The following DROSHA variants were observed in gnomAD, a reference collection of about 807,000 sequenced individuals.
DROSHA encodes ribonuclease 3.
In DROSHA, 56 loss-of-function variants were observed where a neutral mutation model predicts 181.9. The ratio of observed to expected loss-of-function variants is 0.31; its 90% CI spans 0.25 to 0.38. DROSHA has a LOEUF of 0.38. DROSHA is among the 10% of genes least tolerant of loss of function. The pLI is 1.00. For synonymous variants in DROSHA, 524 were observed against 591.2 expected (o/e 0.89, Z 1.65); for missense variants, 1,218 against 1,743.5 (o/e 0.70, Z 5.37).
At chr5:31,404,504 G>A (rs1022315074) in intron 35 of DROSHA, among the ~76,000 whole-genome samples, 4 of 152,070 alleles carry the variant, frequency 2.6e-5, no homozygotes, top group African/African-American at 9.7e-5. Context: ...CCATGCCTGA[G>A]GATTCTGGGC....
At position 31,434,806 on chromosome 5, in the gene DROSHA, A is replaced by G. The variant is rs189429528; in HGVS notation, c.3042+959T>C. Among the ~76,000 whole-genome samples the G allele has an allele frequency of 2.3e-4, 35 of 152,354 alleles. 1 individual carries two copies. The highest frequency in any genetic ancestry group is 1.9e-3 in the Admixed American group (29 of 15,302). On this transcript the variant is annotated intron_variant, in intron 25 of 35. Coordinates refer to ENST00000344624, the MANE Select transcript of DROSHA (RefSeq NM_001382508.1). ...GATCCTCAGTGCTTGGGGATTTAAGAGCCACCATTCTGCCTACTATTAAAT... is the reference window on the plus strand; with the variant it reads ...GATCCTCAGTGCTTGGGGATTTAAGGGCCACCATTCTGCCTACTATTAAAT...
intron 6 of DROSHA, among the ~76,000 whole-genome samples, chr5:31,516,283 G>T (rs972162976): frequency 1.3e-5 from 2 of 151,988 alleles, no homozygotes; most frequent in Non-Finnish European, 2.9e-5. Flanking sequence ...AAACCTACAG[G>T]GTAGATTTTA....
At chr5:31,424,163 TA>T in intron 28 of DROSHA, among the ~76,000 whole-genome samples, 1 of 152,154 alleles carries the variant, frequency 6.6e-6, no homozygotes, top group Non-Finnish European at 1.5e-5. Flanking sequence ...GGGGCATCCA[TA>T]ACTACACAGT....
chr5:31,506,627 GAGATTAC>G (rs1179967826), intron 10 of DROSHA, among the ~76,000 whole-genome samples: 1 of 150,650 alleles, frequency 6.6e-6, no homozygotes, highest in Non-Finnish European at 1.5e-5. Context: ...GCAGTGAGCT[GAGATTAC>G]ACCACTGCAC....
At position 31,411,535 on chromosome 5, in the gene DROSHA, C is replaced by T. The variant is rs1013512479; in HGVS notation, c.3526-648G>A. Among the ~76,000 whole-genome samples the T allele has an allele frequency of 4.6e-5, 7 of 152,040 alleles. No individual in the cohort carries two copies. Among genetic ancestry groups the T allele is most frequent in the Non-Finnish European group, 7.4e-5 (5 of 68,016 alleles). ...GACTTAAGTGAGGTTTAAGTAAATA[C>T]TATGAAAAGATTTAAATTATTTATT... is the stretch of plus-strand genomic sequence containing the variant. On this transcript the variant is annotated intron_variant, in intron 30 of 35. Transcript: ENST00000344624. The surrounding 1 kb of genome is among the most constrained non-coding windows in gnomAD (Gnocchi z 4.2).
Position 31,472,093 on chromosome 5 carries a change from G to A in DROSHA, c.2211C>T (p.Cys737=). 6.2e-7 allele frequency: 1 copy of A among 1,613,842 alleles called. No individual in the cohort carries two copies. Among genetic ancestry groups the A allele is most frequent in the Non-Finnish European group, 8.5e-7 (1 of 1,179,822 alleles). The change falls in exon 17 of 36, where the codon TGC becomes TGT. Residue 737 remains cysteine, a synonymous_variant. Transcript: ENST00000344624. ...ELEWQKYAEE[C]KGMIVTNPGT... ...CAGGGTTGGTAACAATCATGCCTTT[G>A]CATTCTTCTGCATATTTCTGCCACT...
At chr5:31,444,650 T>A (rs1746035020) in intron 23 of DROSHA, among the ~76,000 whole-genome samples, 1 of 152,172 alleles carries the variant, frequency 6.6e-6, no homozygotes, top group Admixed American at 6.5e-5. Flanking sequence ...TGCAGCCATG[T>A]TAGAGGGCTA....
chr5:31,526,009 T>C, intron 5 of DROSHA, 70 bp downstream of exon 5: 1 of 1,431,224 alleles, frequency 7.0e-7, no homozygotes, highest in Non-Finnish European at 9.4e-7. Context: ...TTGGTTTGGT[T>C]GTCATAAATG....
intron 33 of DROSHA, chr5:31,408,846 G>C: frequency 2.1e-6 from 1 of 476,750 alleles, no homozygotes; most frequent in Non-Finnish European, 3.7e-6. Flanking sequence ...AGAACATTGA[G>C]ATAATGGAGT....
intron 30 of DROSHA, among the ~76,000 whole-genome samples, chr5:31,417,266 C>T (rs377531340): frequency 4.6e-5 from 7 of 152,260 alleles, no homozygotes; most frequent in South Asian, 2.1e-4. Flanking sequence ...GCTTAGTGTC[C>T]TGCAGGAACT....
chr5:31,455,706 T>C (rs182071745), intron 20 of DROSHA, among the ~76,000 whole-genome samples: 1 of 151,684 alleles, frequency 6.6e-6, no homozygotes, highest in Non-Finnish European at 1.5e-5. Flanking sequence ...AGTGGCACTA[T>C]CTCGGCTCAC....
chr5:31,439,528 T>C (rs1745301948), intron 23 of DROSHA, among the ~76,000 whole-genome samples: 1 of 152,224 alleles, frequency 6.6e-6, no homozygotes, highest in Non-Finnish European at 1.5e-5. Context: ...GTTACATAGG[T>C]AAGCTGCATA....
At chr5:31,525,137 C>T (rs1740367489) in intron 5 of DROSHA, among the ~76,000 whole-genome samples, 1 of 151,876 alleles carries the variant, frequency 6.6e-6, no homozygotes, top group South Asian at 2.1e-4. Context: ...TCGAGACTAG[C>T]CTGCCTAACA....
At chr5:31,419,300 C>T (rs1468043990) in intron 30 of DROSHA, among the ~76,000 whole-genome samples, 2 of 152,152 alleles carry the variant, frequency 1.3e-5, no homozygotes, top group East Asian at 3.9e-4. Flanking sequence ...TCTACCAAAG[C>T]GTTCTGTGAA....
intron 17 of DROSHA, among the ~76,000 whole-genome samples, chr5:31,469,363 C>CAAAA (rs779157345): frequency 5.5e-4 from 83 of 150,592 alleles, no homozygotes; most frequent in Non-Finnish European, 9.8e-4. Context: ...TCTCAAAAAA[C>CAAAA]AAAACAAAAC....
At chr5:31,517,974 A>G (rs967480419) in intron 6 of DROSHA, among the ~76,000 whole-genome samples, 3 of 152,250 alleles carry the variant, frequency 2.0e-5, no homozygotes, top group Admixed American at 6.5e-5. Flanking sequence ...TATAGATTAC[A>G]GTCATATGTC....
intron 27 of DROSHA, among the ~76,000 whole-genome samples, chr5:31,426,373 A>G (rs998778516): frequency 4.6e-5 from 7 of 152,210 alleles, no homozygotes; most frequent in African/African-American, 1.7e-4. Flanking sequence ...TTCATGCAAC[A>G]TGTTTTTACT....
In DROSHA at chr5:31,449,277, A is replaced by G; in HGVS notation, c.2821+4T>C. On this transcript the variant is annotated splice_donor_region_variant and intron_variant, in intron 22 of 35. Coordinates refer to ENST00000344624, the MANE Select transcript of DROSHA (RefSeq NM_001382508.1). The stretch of plus-strand genomic sequence containing the variant: ...ATTCACATCTTAAAATCATCCAGAC[A>G]TACCTTTCTTCCGCATGTGCATGTG... The G allele has an allele frequency of 6.2e-7, 1 of 1,613,816 alleles. No homozygotes were observed. Among genetic ancestry groups the G allele is most frequent in the Non-Finnish European group, 8.5e-7 (1 of 1,179,810 alleles).
chr5:31,436,129 G>A lies in DROSHA; in HGVS notation c.2943-265C>T, dbSNP rs377332128. ...CTCTGAAATCTGATGACAACAAAGA[G>A]CAGAATAATCAGTTACACACTCTAA... is the stretch of plus-strand genomic sequence containing the variant. On this transcript the variant is annotated intron_variant, in intron 24 of 35. Coordinates refer to ENST00000344624, the MANE Select transcript of DROSHA (RefSeq NM_001382508.1). 5.1e-4 allele frequency among the ~76,000 whole-genome samples: 78 copies of A among 152,306 alleles called. 1 individual carries two copies. In the South Asian group the frequency reaches 0.016, roughly 31 times the overall value.
Sources: allele counts gnomAD v4.1 joint callset (sites outside exome capture counted in the v4.1 genomes callset), GRCh38; gene constraint gnomAD v4.1.1; non-coding constraint Gnocchi (gnomAD v3.1); transcripts MANE v1.5; gene names NCBI Gene and HGNC (gene_info 2026-07-23, HGNC 2026-07-21).